Variants in STAM2 observed in about 807,000 individuals in gnomAD.
The protein encoded by STAM2 is signal transducing adaptor molecule 2.
In STAM2, 51 loss-of-function variants were observed where a neutral mutation model predicts 65.6. The observed-to-expected ratio is 0.78, with a 90% CI of 0.62 to 0.98. The LOEUF (loss-of-function observed/expected upper bound fraction) is 0.98. Ranked by LOEUF, STAM2 falls within the 50% of genes least tolerant of loss-of-function variation. The probability of loss-of-function intolerance (pLI) is 0.00; values close to 1 mark genes in which losing one functional copy is unlikely to be tolerated. For synonymous variants in STAM2, 198 were observed against 208.4 expected (o/e 0.95, Z 0.43); for missense variants, 584 against 617.8 (o/e 0.95, Z 0.58).
chr2:152,131,982 A>C, intron 11 of STAM2, 132 bp downstream of exon 11: 1 of 610,040 alleles, frequency 1.6e-6, no homozygotes, highest in Non-Finnish European at 2.8e-6. Context: ...AATTTGTTAA[A>C]AGCCTGGGAA....
Position 152,120,907 on chromosome 2 carries a change from T to TA in STAM2, c.1350-106dup, listed in dbSNP as rs140029844. 5.8e-3 allele frequency: 4,470 copies of TA among 774,708 alleles called. 147 individuals carry two copies. The African/African-American group carries it at 0.064, about 11-fold the overall frequency. 48.0% of individuals were successfully genotyped at this position (774,708 alleles called of 1,614,324 possible). On this transcript the variant is annotated intron_variant, in intron 13 of 13. Coordinates refer to ENST00000263904, the MANE Select transcript of STAM2 (RefSeq NM_005843.6). ...GCCTTTTCCATCTTCTTTTTAAGCT[T>TA]ACGTAGCTCTGCTGTTCTGATTACA...
chr2:152,149,008 TAAAAC>T (rs1426073076), intron 2 of STAM2, among the ~76,000 whole-genome samples: 3 of 152,336 alleles, frequency 2.0e-5, no homozygotes, highest in Admixed American at 6.5e-5. Flanking sequence ...GCTTTAATGT[TAAAAC>T]AAATGCTTTC....
chr2:152,158,683 G>A (rs1294776711), intron 1 of STAM2, among the ~76,000 whole-genome samples: 1 of 151,998 alleles, frequency 6.6e-6, no homozygotes, highest in Admixed American at 6.6e-5. Flanking sequence ...CCTGAAACTG[G>A]GTAGTTCGTA....
At chr2:152,160,118 G>T (rs567880508) in intron 1 of STAM2, among the ~76,000 whole-genome samples, 1 of 152,360 alleles carries the variant, frequency 6.6e-6, no homozygotes, top group South Asian at 2.1e-4. Flanking sequence ...GCCTCCCAAA[G>T]TGCCAAGATT....
chr2:152,129,013 C>G (rs1246844731), intron 11 of STAM2, among the ~76,000 whole-genome samples: 1 of 152,136 alleles, frequency 6.6e-6, no homozygotes, highest in Non-Finnish European at 1.5e-5. Context: ...AGAACAGGAG[C>G]TGCATCTGCA....
Position 152,143,865 on chromosome 2 carries a change from G to A in STAM2, c.666C>T (p.Thr222=). Residue 222 remains threonine (T), a synonymous_variant, in exon 7 of 14, where the codon ACC becomes ACT. Coordinates refer to ENST00000263904, the MANE Select transcript of STAM2 (RefSeq NM_005843.6). The part of the protein sequence containing the change: ...DFEAVEDNEL[T]FKHGEIIIVL... Reference sequence around the variant, plus strand: ...CAATAATTATTTCACCATGTTTAAAGGTGAGTTCATTGTCCTCAACAGCTT... The same window carrying A: ...CAATAATTATTTCACCATGTTTAAAAGTGAGTTCATTGTCCTCAACAGCTT... 1.2e-6 allele frequency: 2 copies of A among 1,612,842 alleles called. No homozygotes were observed. The highest frequency in any genetic ancestry group is 8.5e-7 in the Non-Finnish European group (1 of 1,179,626).
intron 1 of STAM2, among the ~76,000 whole-genome samples, chr2:152,166,349 A>C (rs978116255): frequency 6.6e-6 from 1 of 152,184 alleles, no homozygotes; most frequent in African/African-American, 2.4e-5. Flanking sequence ...GAGACAAAAA[A>C]CAACCAAGGA....
chr2:152,117,443 G>T lies in STAM2; in HGVS notation c.*3131C>A, dbSNP rs1271311067. On this transcript the variant is annotated 3_prime_UTR_variant, in exon 14 of 14. Transcript: ENST00000263904. Reference sequence around the variant, plus strand: ...CAAAGTGCTGGGATTATAGGCATGAGCCACTGTATCTGGCCTCTGGGGAAA... The same window carrying T: ...CAAAGTGCTGGGATTATAGGCATGATCCACTGTATCTGGCCTCTGGGGAAA... The T allele has an allele frequency of 6.6e-6, 1 of 152,150 alleles. No homozygotes were observed. The highest frequency in any genetic ancestry group is 1.5e-5 in the Non-Finnish European group (1 of 68,032). The allele number at this position is 152,150 out of a possible 1,614,324, so 9.4% of individuals were successfully genotyped here. A position where few individuals can be genotyped will look rare whatever the true frequency, so the allele number is the denominator to read the frequency against.
In STAM2 at chr2:152,147,145, C is replaced by T; in HGVS notation, c.447+17G>A. 1.1e-5 allele frequency: 18 copies of T among 1,591,508 alleles called. No individual in the cohort carries two copies. The highest frequency in any genetic ancestry group is 1.3e-5 in the Non-Finnish European group (15 of 1,172,140). ...AAATATTATAGGGTCAACCATGGGT[C>T]TGAATAAATCTCTCACCTGAGAACC... On this transcript the variant is annotated intron_variant, in intron 5 of 13. Coordinates refer to ENST00000263904, the MANE Select transcript of STAM2 (RefSeq NM_005843.6).
chr2:152,158,744 C>CA (rs1689600387), intron 1 of STAM2, among the ~76,000 whole-genome samples: 1 of 152,074 alleles, frequency 6.6e-6, no homozygotes, highest in Non-Finnish European at 1.5e-5. Context: ...AATCGAAGAT[C>CA]AAAGCACTGG....
At chr2:152,123,176 C>T (rs962289211) in intron 13 of STAM2, among the ~76,000 whole-genome samples, 2 of 151,894 alleles carry the variant, frequency 1.3e-5, no homozygotes, top group Non-Finnish European at 2.9e-5. Context: ...TCGAGACCAG[C>T]CTGACCAATA....
chr2:152,138,747 T>G (rs12612557), intron 7 of STAM2, among the ~76,000 whole-genome samples: 29,861 of 152,210 alleles, frequency 0.2, 3,337 homozygotes, highest in Admixed American at 0.29. Flanking sequence ...ATATCATATC[T>G]GCAAATATCT....
At chr2:152,134,029 A>G (rs1689109627) in intron 8 of STAM2, among the ~76,000 whole-genome samples, 4 of 152,106 alleles carry the variant, frequency 2.6e-5, no homozygotes, top group Admixed American at 2.0e-4. Context: ...CACTAAACAC[A>G]AAAGTTTTTC....
intron 12 of STAM2, 68 bp from the exon 13 acceptor site, chr2:152,124,003 T>A: frequency 1.5e-6 from 2 of 1,326,214 alleles, no homozygotes. Context: ...ATATTTAAAA[T>A]GTTAAAAGAC....
chr2:152,144,057 G>T, intron 6 of STAM2, 44 bp from the exon 7 acceptor site: 2 of 1,375,768 alleles, frequency 1.5e-6, no homozygotes, highest in Non-Finnish European at 2.0e-6. Flanking sequence ...AATTAATTTT[G>T]ATAAAATAAA....
At chr2:152,166,000 GCAGACCAGCCTGGC>G (rs1359579135) in intron 1 of STAM2, among the ~76,000 whole-genome samples, 1 of 152,064 alleles carries the variant, frequency 6.6e-6, no homozygotes, top group Non-Finnish European at 1.5e-5. Context: ...GCCAGGAGTT[GCAGACCAGCCTGGC>G]CAACACAGCG....
Position 152,175,724 on chromosome 2 carries a change from C to T in STAM2, c.-82G>A. 6.9e-7 allele frequency: 1 copy of T among 1,456,662 alleles called. No homozygotes were observed. Among genetic ancestry groups the T allele is most frequent in the East Asian group, 2.5e-5 (1 of 40,612 alleles). 90.2% of individuals were successfully genotyped at this position (1,456,662 alleles called of 1,614,324 possible). On this transcript the variant is annotated 5_prime_UTR_variant, in exon 1 of 14. Transcript: ENST00000263904. ...CCCGCCGGGTGACCCGCGGCCGCGG[C>T]TCCCTAGACCGCTCCGCTTCGGCCT...
At chr2:152,155,070 AC>A (rs1421201059) in intron 1 of STAM2, among the ~76,000 whole-genome samples, 1 of 152,218 alleles carries the variant, frequency 6.6e-6, no homozygotes, top group Admixed American at 6.5e-5. Flanking sequence ...TGTCTTTGCC[AC>A]AACCTTTCAC....
At position 152,123,822 on chromosome 2, in the gene STAM2, C is replaced by T; in HGVS notation, c.1293G>A (p.Leu431=). 1 of 1,614,084 alleles carries T rather than the reference C, an allele frequency of 6.2e-7. No homozygotes were observed. ...GPDQIGPLRS[L]PPNVNSSVTA... Reference sequence around the variant, plus strand: ...TCACTGAGGAATTCACATTTGGAGGCAGAGATCTCAGTGGACCAATTTGAT... The same window carrying T: ...TCACTGAGGAATTCACATTTGGAGGTAGAGATCTCAGTGGACCAATTTGAT... Residue 431 remains leucine, a synonymous_variant, in exon 13 of 14, where the codon CTG becomes CTA. Coordinates refer to ENST00000263904, the MANE Select transcript of STAM2 (RefSeq NM_005843.6).
Sources: gnomAD v4.1 joint callset for allele counts (sites outside exome capture counted in the v4.1 genomes callset) on GRCh38, gnomAD v4.1.1 for gene constraint, MANE v1.5 for transcripts, NCBI Gene and HGNC (gene_info 2026-07-23, HGNC 2026-07-21) for gene names.